The following PCNX1 variants were observed in gnomAD, a reference collection of about 807,000 sequenced individuals.
PCNX1 encodes the protein pecanex-like protein 1.
PCNX1 carries 78 observed loss-of-function variants against 242.2 expected under a neutral mutation model. The observed-to-expected ratio is 0.32, with a 90% CI of 0.27 to 0.39. PCNX1 has a LOEUF of 0.39. Among genes scored for constraint, PCNX1 ranks in the 10% least tolerant of loss-of-function variants. The probability of loss-of-function intolerance (pLI) is 1.00; values close to 1 mark genes in which losing one functional copy is unlikely to be tolerated. For missense variants in PCNX1, 2,581 were observed against 2,856.5 expected, an observed-to-expected ratio of 0.90 and a Z score of 2.20; for synonymous variants, 1,024 against 1,032.9, an observed-to-expected ratio of 0.99 and a Z score of 0.17.
chr14:71,100,523 A>G (rs1241443515), intron 30 of PCNX1, among the ~76,000 whole-genome samples: 1 of 151,964 alleles, frequency 6.6e-6, no homozygotes, highest in Non-Finnish European at 1.5e-5. Context: ...GCCTTTAAGA[A>G]TTTTTCTTTA....
intron 13 of PCNX1, among the ~76,000 whole-genome samples, chr14:71,024,787 A>G (rs1054772733): frequency 6.6e-6 from 1 of 152,106 alleles, no homozygotes; most frequent in Admixed American, 6.6e-5. Context: ...GGCATCCTCT[A>G]CCTACAAGAT....
chr14:71,038,849 T>A (rs978298246), intron 19 of PCNX1, among the ~76,000 whole-genome samples: 2 of 151,152 alleles, frequency 1.3e-5, no homozygotes, highest in South Asian at 2.1e-4. Context: ...TAGACTGGAT[T>A]AAGAAAATGT....
intron 26 of PCNX1, among the ~76,000 whole-genome samples, chr14:71,060,911 C>T (rs1292067331): frequency 6.6e-6 from 1 of 152,168 alleles, no homozygotes; most frequent in Non-Finnish European, 1.5e-5. Context: ...TTTCTGCTAG[C>T]TCTGTGTGAT....
At chr14:71,071,785 G>A (rs117402494) in intron 26 of PCNX1, among the ~76,000 whole-genome samples, 483 of 152,248 alleles carry the variant, frequency 3.2e-3, no homozygotes, top group Non-Finnish European at 5.3e-3. Context: ...TCCTCACTAA[G>A]CTTCCTTATT....
chr14:71,025,876 C>T (rs1286809491), intron 13 of PCNX1, among the ~76,000 whole-genome samples: 2 of 152,098 alleles, frequency 1.3e-5, no homozygotes, highest in African/African-American at 2.4e-5. Flanking sequence ...CTCAAAAAAA[C>T]AAACAAACAA....
chr14:70,960,770 T>C (rs898904534), intron 2 of PCNX1, among the ~76,000 whole-genome samples: 6 of 152,098 alleles, frequency 3.9e-5, no homozygotes, highest in Non-Finnish European at 7.4e-5. Context: ...AAAACCCCAT[T>C]GTCTCAGCCC....
chr14:71,051,482 C>T (rs759402764), intron 23 of PCNX1, among the ~76,000 whole-genome samples: 19 of 151,936 alleles, frequency 1.3e-4, no homozygotes, highest in South Asian at 8.3e-4. Flanking sequence ...TTTTCTACTC[C>T]CACGATTTCT....
chr14:71,056,579 T>C (rs2061187263), intron 25 of PCNX1, among the ~76,000 whole-genome samples: 1 of 152,242 alleles, frequency 6.6e-6, no homozygotes, highest in Non-Finnish European at 1.5e-5. Flanking sequence ...TCCAATACTA[T>C]GCTTGGGGCA....
At chr14:70,941,086 G>A (rs1392628449) in intron 1 of PCNX1, among the ~76,000 whole-genome samples, 3 of 152,088 alleles carry the variant, frequency 2.0e-5, no homozygotes, top group Non-Finnish European at 4.4e-5. Flanking sequence ...CCTTTAGCTC[G>A]GAGAAGTTTG....
rs938478980 is a variant in PCNX1 at position 71,113,529 on chromosome 14, G to C, written c.*3594G>C. The C allele has an allele frequency of 6.6e-6, 1 of 152,554 alleles. No homozygotes were observed. The highest frequency in any genetic ancestry group is 2.4e-5 in the African/African-American group (1 of 41,434). 9.5% of individuals were successfully genotyped at this position (152,554 alleles called of 1,614,324 possible). ...GCTTATAGCCTTGATAAATTCCTCT[G>C]TGCTTCTGAGCAGCATCCTTCTGCC... On this transcript the variant is annotated 3_prime_UTR_variant, in exon 36 of 36. Transcript: ENST00000304743.
intron 26 of PCNX1, among the ~76,000 whole-genome samples, chr14:71,060,167 C>G (rs920410764): frequency 6.6e-6 from 1 of 152,124 alleles, no homozygotes; most frequent in African/African-American, 2.4e-5. Context: ...CTGAAAAATT[C>G]CTGTTAGTGA....
At chr14:71,085,805 G>T in intron 28 of PCNX1, 1 of 365,050 alleles carries the variant, frequency 2.7e-6, no homozygotes, top group Non-Finnish European at 5.6e-6. Context: ...ATCCTTAGGA[G>T]CCACACAGGT....
chr14:70,912,847 C>T (rs1031742141), intron 1 of PCNX1, among the ~76,000 whole-genome samples: 2 of 152,140 alleles, frequency 1.3e-5, no homozygotes, highest in Admixed American at 6.5e-5. Flanking sequence ...GCCCACTGAG[C>T]CTTTTCCTCC....
rs1383182269 is a variant in PCNX1 at position 71,109,993 on chromosome 14, AAG to A, written c.*63_*64del. The A allele has an allele frequency of 1.5e-5, 23 of 1,485,890 alleles. No individual in the cohort carries two copies. Among genetic ancestry groups the A allele is most frequent in the African/African-American group, 2.8e-5 (2 of 72,368 alleles). 92.0% of individuals were successfully genotyped at this position (1,485,890 alleles called of 1,614,324 possible). A position where few individuals can be genotyped will look rare whatever the true frequency, so the allele number is the denominator to read the frequency against. ...CCTCTCAATTCCAAGGCATTGGAAA[AAG>A]AGAGGAACAAGCAGAAGATGCCTGC... is the stretch of plus-strand genomic sequence containing the variant. On this transcript the variant is annotated 3_prime_UTR_variant, in exon 36 of 36. Transcript: ENST00000304743.
At chr14:70,909,741 T>C (rs965952788) in intron 1 of PCNX1, among the ~76,000 whole-genome samples, 9 of 152,162 alleles carry the variant, frequency 5.9e-5, no homozygotes, top group Non-Finnish European at 8.8e-5. Flanking sequence ...AACTGAATTC[T>C]CACATATTTG....
chr14:70,973,414 T>A (rs2058599087), intron 5 of PCNX1, among the ~76,000 whole-genome samples: 1 of 152,090 alleles, frequency 6.6e-6, no homozygotes, highest in East Asian at 1.9e-4. Flanking sequence ...TGACCAGCTT[T>A]GTCAAGTGCT....
chr14:71,074,055 G>A (rs1051331070), intron 27 of PCNX1, among the ~76,000 whole-genome samples: 3 of 152,068 alleles, frequency 2.0e-5, no homozygotes, highest in Non-Finnish European at 2.9e-5. Flanking sequence ...GTTTTAGCTT[G>A]TGCTAAGGAA....
At chr14:71,018,961 AT>A (rs1566706501) in intron 11 of PCNX1, 47 bp from the exon 12 acceptor site, 2 of 1,480,714 alleles carry the variant, frequency 1.4e-6, no homozygotes, top group Non-Finnish European at 1.8e-6. Context: ...CATTTGGTTA[AT>A]TTCTTATACT....
At chr14:70,999,182 A>C (rs2140376395) in intron 8 of PCNX1, among the ~76,000 whole-genome samples, 1 of 152,320 alleles carries the variant, frequency 6.6e-6, no homozygotes, top group South Asian at 2.1e-4. Context: ...CTTCTCAGTT[A>C]CTAATCCTAG....
Sources: gnomAD v4.1 joint callset for allele counts (sites outside exome capture counted in the v4.1 genomes callset) on GRCh38, gnomAD v4.1.1 for gene constraint, MANE v1.5 for transcripts, NCBI Gene and HGNC (gene_info 2026-07-23, HGNC 2026-07-21) for gene names.